DIAPH2: variants seen among roughly 807,000 people sequenced by gnomAD.
The protein encoded by DIAPH2 is diaphanous related formin 2, also known as protein diaphanous homolog 2.
A neutral mutation model predicts 92.7 loss-of-function variants in DIAPH2; 35 were observed. That is an observed-to-expected ratio of 0.38 (90% confidence interval 0.29 to 0.50). The LOEUF is 0.50. DIAPH2 is among the 20% of genes least tolerant of loss of function. DIAPH2 has a pLI of 0.94. For synonymous variants in DIAPH2, 301 were observed against 280.4 expected (o/e 1.07, Z -0.73); for missense variants, 701 against 819.5 (o/e 0.86, Z 1.77).
chrX:96,730,262 A>G (rs2064045970), intron 1 of DIAPH2, among the ~76,000 whole-genome samples: 1 of 112,440 alleles, frequency 8.9e-6, no homozygotes, highest in Non-Finnish European at 1.9e-5. Flanking sequence ...CTTAGTTCTA[A>G]AAATAAAATT....
intron 26 of DIAPH2, among the ~76,000 whole-genome samples, chrX:97,496,466 C>T (rs1405966994): frequency 9.2e-6 from 1 of 108,488 alleles, no homozygotes; most frequent in Non-Finnish European, 1.9e-5. Flanking sequence ...TGAGCCACCA[C>T]GCCCAGCAAG....
chrX:96,751,577 AAAAAAATAATAATAATAATAAAG>A (rs1398371971), intron 3 of DIAPH2, among the ~76,000 whole-genome samples: 8 of 100,537 alleles, frequency 8.0e-5, no homozygotes, highest in Non-Finnish European at 1.4e-4. Flanking sequence ...CTCTGTCTCA[AAAAAAATAATAATAATAATAAAG>A]AAAAAATAAT....
intron 5 of DIAPH2, among the ~76,000 whole-genome samples, chrX:96,903,398 G>A (rs1055906876): frequency 9.0e-6 from 1 of 111,642 alleles, no homozygotes; most frequent in African/African-American, 3.3e-5. Flanking sequence ...AAATGAAATT[G>A]GACATCCTGT....
chrX:96,822,015 T>C (rs183822345), intron 4 of DIAPH2, among the ~76,000 whole-genome samples: 10 of 111,768 alleles, frequency 8.9e-5, no homozygotes, highest in Non-Finnish European at 1.1e-4. Flanking sequence ...GCTGAATACA[T>C]TGTTGTGGCT....
At chrX:97,281,435 A>T (rs1217696604) in intron 23 of DIAPH2, among the ~76,000 whole-genome samples, 2 of 111,119 alleles carry the variant, frequency 1.8e-5, no homozygotes, top group Non-Finnish European at 3.8e-5. Flanking sequence ...GAAATGGTAG[A>T]ATATTTTAGA....
intron 20 of DIAPH2, 120 bp from the exon 21 acceptor site, chrX:97,114,606 C>T (rs1019124849): frequency 1.5e-5 from 10 of 655,787 alleles, no homozygotes; most frequent in Non-Finnish European, 2.1e-5. Flanking sequence ...TTTTAAAATC[C>T]CAGAGCAAAC....
intron 24 of DIAPH2, among the ~76,000 whole-genome samples, chrX:97,358,819 G>A (rs1228051141): frequency 3.6e-5 from 4 of 110,874 alleles, no homozygotes; most frequent in Non-Finnish European, 7.6e-5. Flanking sequence ...TTAATACCTC[G>A]GTACATATCC....
intron 16 of DIAPH2, among the ~76,000 whole-genome samples, chrX:96,962,420 C>CACAT (rs2065864769): frequency 3.3e-5 from 2 of 60,163 alleles, no homozygotes; most frequent in Middle Eastern, 7.9e-3. Flanking sequence ...TATATATACA[C>CACAT]ATATATATAC....
intron 15 of DIAPH2, among the ~76,000 whole-genome samples, chrX:96,954,545 G>A (rs1039002289): frequency 3.6e-5 from 4 of 111,629 alleles, no homozygotes; most frequent in Non-Finnish European, 7.5e-5. Flanking sequence ...ATTGTAAATG[G>A]CACCCATTCA....
At chrX:97,367,174 C>T (rs761444576) in intron 24 of DIAPH2, among the ~76,000 whole-genome samples, 2 of 111,450 alleles carry the variant, frequency 1.8e-5, no homozygotes, top group African/African-American at 3.3e-5. Context: ...GCCAGAAAAA[C>T]TCTATAAATA....
intron 23 of DIAPH2, among the ~76,000 whole-genome samples, chrX:97,330,099 G>GTGTGTGTGTGTGTGTGTA (rs2068986968): frequency 9.3e-6 from 1 of 107,615 alleles, no homozygotes; most frequent in African/African-American, 3.4e-5. Context: ...GTGTGTGTGT[G>GTGTGTGTGTGTGTGTGTA]TGTGTGTGTG....
chrX:97,557,345 C>A (rs894020543), intron 26 of DIAPH2, among the ~76,000 whole-genome samples: 1 of 111,608 alleles, frequency 9.0e-6, no homozygotes, highest in South Asian at 3.8e-4. Flanking sequence ...TCAAGACCAG[C>A]CTGGCCAACA....
chrX:97,044,675 G>A, intron 17 of DIAPH2, among the ~76,000 whole-genome samples: 1 of 110,705 alleles, frequency 9.0e-6, no homozygotes, highest in Admixed American at 9.6e-5. Flanking sequence ...TTCTCAACTG[G>A]GGATCATTTT....
chrX:97,337,411 C>T lies in DIAPH2; in HGVS notation c.2845-10705C>T, dbSNP rs866590318. On this transcript the variant is annotated intron_variant, in intron 23 of 26. Transcript: ENST00000324765. Reference sequence around the variant, plus strand: ...GTGATTGGATCATGGGGACAGTTTCCTCCATGCTGTTTTCATGATAGTGAG... The same window carrying T: ...GTGATTGGATCATGGGGACAGTTTCTTCCATGCTGTTTTCATGATAGTGAG... 5.4e-5 allele frequency among the ~76,000 whole-genome samples: 6 copies of T among 111,015 alleles called. 1 individual carries two copies. Among genetic ancestry groups the T allele is most frequent in the Non-Finnish European group, 1.1e-4 (6 of 52,990 alleles).
intron 20 of DIAPH2, among the ~76,000 whole-genome samples, chrX:97,109,974 T>A (rs866937671): frequency 1.6e-4 from 18 of 111,908 alleles, no homozygotes; most frequent in African/African-American, 5.2e-4. Context: ...CATGATAGAT[T>A]AATATCTAGT....
intron 4 of DIAPH2, 99 bp downstream of exon 4, chrX:96,758,357 T>C (rs1480396660): frequency 2.5e-5 from 16 of 641,165 alleles, no homozygotes; most frequent in Admixed American, 2.5e-4. Context: ...GATTACCTCA[T>C]TGTACTCATA....
chrX:96,733,115 C>G (rs906647118), intron 1 of DIAPH2, among the ~76,000 whole-genome samples: 1 of 111,679 alleles, frequency 9.0e-6, no homozygotes, highest in African/African-American at 3.3e-5. Context: ...CTGCTTTAGG[C>G]GTTAGGGTTA....
chrX:97,053,290 G>A, intron 17 of DIAPH2, among the ~76,000 whole-genome samples: 1 of 111,298 alleles, frequency 9.0e-6, no homozygotes, highest in Non-Finnish European at 1.9e-5. Flanking sequence ...CTTAGTTTTT[G>A]GCCTCCAGGT....
chrX:97,275,280 CA>C (rs1330969462), intron 23 of DIAPH2, among the ~76,000 whole-genome samples: 1 of 98,959 alleles, frequency 1.0e-5, no homozygotes, highest in Non-Finnish European at 2.1e-5. Context: ...GCTGCCCCCC[CA>C]ACCTCCCTCC....
Sources: gnomAD v4.1 joint callset for allele counts (sites outside exome capture counted in the v4.1 genomes callset) on GRCh38, gnomAD v4.1.1 for gene constraint, MANE v1.5 for transcripts, NCBI Gene and HGNC (gene_info 2026-07-23, HGNC 2026-07-21) for gene names.